Variants in ZBTB38 observed in about 807,000 individuals in gnomAD.
ZBTB38 encodes the protein zinc finger and BTB domain-containing protein 38.
A neutral mutation model predicts 76.8 loss-of-function variants in ZBTB38; 20 were observed. The observed-to-expected ratio is 0.26, with a 90% confidence interval of 0.18 to 0.38. ZBTB38 has a LOEUF of 0.38. Ranked by LOEUF, ZBTB38 falls within the 10% of genes least tolerant of loss-of-function variation. The pLI is 1.00. For missense variants in ZBTB38, 1,082 were observed against 1,482.3 expected (o/e 0.73, Z 4.43); for synonymous variants, 504 against 544.2 (o/e 0.93, Z 1.03).
intron 1 of ZBTB38, among the ~76,000 whole-genome samples, chr3:141,359,978 T>C (rs544687262): frequency 1.3e-5 from 2 of 152,306 alleles, no homozygotes; most frequent in South Asian, 2.1e-4. Flanking sequence ...GTTTTTCTTA[T>C]AAATTTGTCA....
intron 4 of ZBTB38, among the ~76,000 whole-genome samples, chr3:141,394,017 CTT>C (rs34207738): frequency 0.47 from 67,584 of 143,254 alleles, 18,244 homozygotes; most frequent in African/African-American, 0.76. Flanking sequence ...TCTTTTCTTT[CTT>C]TTTTTTTTTT....
At chr3:141,404,675 T>C (rs932153354) in intron 5 of ZBTB38, among the ~76,000 whole-genome samples, 13 of 152,198 alleles carry the variant, frequency 8.5e-5, no homozygotes, top group Admixed American at 8.5e-4. Flanking sequence ...TTAAGCACAG[T>C]ATTTTTTATT....
intron 1 of ZBTB38, among the ~76,000 whole-genome samples, chr3:141,328,801 T>A (rs1397724953): frequency 6.6e-6 from 1 of 152,038 alleles, no homozygotes; most frequent in Non-Finnish European, 1.5e-5. Context: ...TGTCATTCCC[T>A]CCTCATCTCC....
At position 141,443,306 on chromosome 3, in the gene ZBTB38, T is replaced by C; in HGVS notation, c.918T>C (p.Arg306=). ...CACAACCAGCTGCTGTTCTCACTCG[T>C]TCAAAATCTCCAAACAATGAAGGAG... ...RSPQPAAVLT[R]SKSPNNEGDV... is the part of the protein sequence containing the mutation. The change falls in exon 6 of 6, where the codon CGT becomes CGC. Residue 306 remains arginine (R), a synonymous_variant. Transcript: ENST00000321464. This position sits in a 1 kb window ranked among gnomAD's most constrained non-coding sequence, Gnocchi z 5.6. The C allele has an allele frequency of 5.0e-6, 8 of 1,614,200 alleles. No individual in the cohort carries two copies. The highest frequency in any genetic ancestry group is 6.8e-6 in the Non-Finnish European group (8 of 1,180,032).
At chr3:141,325,776 A>G (rs1244769308) in intron 1 of ZBTB38, among the ~76,000 whole-genome samples, 1 of 152,222 alleles carries the variant, frequency 6.6e-6, no homozygotes, top group Non-Finnish European at 1.5e-5. Flanking sequence ...ACAAACCAAC[A>G]AACAAACACT....
At chr3:141,353,231 G>T (rs1024048439) in intron 1 of ZBTB38, among the ~76,000 whole-genome samples, 1 of 151,542 alleles carries the variant, frequency 6.6e-6, no homozygotes, top group Non-Finnish European at 1.5e-5. Flanking sequence ...CTCTTCTACC[G>T]CCTCCTCTTT....
intron 4 of ZBTB38, chr3:141,394,096 C>T (rs1294469811): frequency 6.6e-6 from 1 of 151,894 alleles, no homozygotes; most frequent in Non-Finnish European, 1.5e-5. Flanking sequence ...CTGCAACCTC[C>T]GCCTCTTGGG....
At chr3:141,357,343 C>T (rs1943691581) in intron 1 of ZBTB38, among the ~76,000 whole-genome samples, 1 of 152,092 alleles carries the variant, frequency 6.6e-6, no homozygotes, top group Non-Finnish European at 1.5e-5. Flanking sequence ...TGTCTTTCAA[C>T]AGTGTTTATG....
intron 5 of ZBTB38, among the ~76,000 whole-genome samples, chr3:141,423,710 A>G (rs1374768261): frequency 6.6e-6 from 1 of 152,234 alleles, no homozygotes; most frequent in Non-Finnish European, 1.5e-5. Flanking sequence ...ATCTAAAATA[A>G]AGCACAATAA....
intron 1 of ZBTB38, among the ~76,000 whole-genome samples, chr3:141,356,702 C>G (rs1943673206): frequency 6.6e-6 from 1 of 151,264 alleles, no homozygotes; most frequent in Non-Finnish European, 1.5e-5. Context: ...TGTATCAGTC[C>G]AGGCAAATAT....
chr3:141,337,341 T>C (rs1279805589), intron 1 of ZBTB38, among the ~76,000 whole-genome samples: 2 of 152,230 alleles, frequency 1.3e-5, no homozygotes, highest in East Asian at 3.8e-4. Flanking sequence ...CATTTTATCA[T>C]GTTGATGGGC....
At chr3:141,354,322 C>G (rs1373053153) in intron 1 of ZBTB38, among the ~76,000 whole-genome samples, 1 of 152,106 alleles carries the variant, frequency 6.6e-6, no homozygotes, top group African/African-American at 2.4e-5. Flanking sequence ...CTGAAAAACT[C>G]TATACAGCAT....
chr3:141,365,584 T>C (rs1185356590), upstream of ZBTB38, among the ~76,000 whole-genome samples: 2 of 152,198 alleles, frequency 1.3e-5, no homozygotes, highest in Non-Finnish European at 2.9e-5. Flanking sequence ...TACTGCCATA[T>C]TGGAGATTAA....
intron 5 of ZBTB38, among the ~76,000 whole-genome samples, chr3:141,412,893 C>T (rs1471029602): frequency 6.6e-6 from 1 of 152,088 alleles, no homozygotes; most frequent in Non-Finnish European, 1.5e-5. Flanking sequence ...AGCCTTTGTG[C>T]CTCTCTTTGT....
chr3:141,356,425 G>A (rs982485689), intron 1 of ZBTB38, among the ~76,000 whole-genome samples: 6 of 152,070 alleles, frequency 3.9e-5, no homozygotes, highest in African/African-American at 9.7e-5. Flanking sequence ...GGGCTGCTGC[G>A]GCTCTGTTTA....
intron 1 of ZBTB38, among the ~76,000 whole-genome samples, chr3:141,356,403 A>C (rs549742204): frequency 1.3e-5 from 2 of 152,156 alleles, no homozygotes; most frequent in South Asian, 4.1e-4. Context: ...TCACTCATAC[A>C]AAAGTGTTAC....
chr3:141,382,916 C>T (rs1217940010), intron 3 of ZBTB38, among the ~76,000 whole-genome samples: 1 of 152,200 alleles, frequency 6.6e-6, no homozygotes, highest in Non-Finnish European at 1.5e-5. Context: ...GTTTTATCCT[C>T]TTAGGACTGG....
Position 141,413,239 on chromosome 3 carries a change from G to T in ZBTB38, c.-1+9208G>T, listed in dbSNP as rs984721411. On this transcript the variant is annotated intron_variant, in intron 5 of 5. Coordinates refer to ENST00000321464, the MANE Select transcript of ZBTB38 (RefSeq NM_001376113.1). The surrounding 1 kb of genome is among the most constrained non-coding windows in gnomAD (Gnocchi z 4.1). ...GGTGTCTGTTGACAGTGGGGAGGAG[G>T]TGGGGAAGACCCAGCCGGCCGAGAG... Among the ~76,000 whole-genome samples, 8 of 152,228 alleles carry T rather than the reference G, an allele frequency of 5.3e-5. No individual in the cohort carries two copies. The East Asian group carries it at 1.5e-3, about 29-fold the overall frequency.
intron 4 of ZBTB38, chr3:141,389,954 C>T (rs1948347286): frequency 6.6e-6 from 1 of 152,078 alleles, no homozygotes; most frequent in Non-Finnish European, 1.5e-5. Context: ...TGGCATTATT[C>T]ACTTATGTTG....
Sources: allele counts gnomAD v4.1 joint callset (sites outside exome capture counted in the v4.1 genomes callset), GRCh38; gene constraint gnomAD v4.1.1; non-coding constraint Gnocchi (gnomAD v3.1); transcripts MANE v1.5; gene names NCBI Gene and HGNC (gene_info 2026-07-23, HGNC 2026-07-21).